The following WWOX variants were observed in gnomAD, a reference collection of about 807,000 sequenced individuals.
WWOX encodes WW domain-containing oxidoreductase.
WWOX carries 69 observed loss-of-function variants against 46.2 expected under a neutral mutation model. That is an observed-to-expected ratio of 1.49 (90% CI 1.23 to 1.82). The LOEUF (loss-of-function observed/expected upper bound fraction) is 1.82, where lower values mean the gene tolerates loss of function less well. WWOX is among the 40% of genes most tolerant of loss of function. The pLI is 0.00. For missense variants in WWOX, 919 were observed against 542.6 expected (o/e 1.69, Z -6.89); for synonymous variants, 359 against 202.6 (o/e 1.77, Z -6.56).
At chr16:78,191,830 A>T (rs2035892908) in intron 5 of WWOX, among the ~76,000 whole-genome samples, 1 of 152,198 alleles carries the variant, frequency 6.6e-6, no homozygotes, top group Non-Finnish European at 1.5e-5. Flanking sequence ...AATTTACAGG[A>T]TATTTGATCA....
intron 8 of WWOX, among the ~76,000 whole-genome samples, chr16:78,775,510 C>T (rs1316752013): frequency 6.6e-6 from 1 of 152,078 alleles, no homozygotes; most frequent in Admixed American, 6.5e-5. Flanking sequence ...TAGCGCCCTC[C>T]GGGGGGTGGG....
At chr16:78,839,386 C>G (rs990371741) in intron 8 of WWOX, among the ~76,000 whole-genome samples, 4 of 152,100 alleles carry the variant, frequency 2.6e-5, no homozygotes, top group African/African-American at 9.7e-5. Context: ...GGTCCAAAGG[C>G]TTTGCTGAAA....
chr16:78,370,271 C>G (rs2081641668), intron 5 of WWOX, among the ~76,000 whole-genome samples: 1 of 151,972 alleles, frequency 6.6e-6, no homozygotes, highest in Non-Finnish European at 1.5e-5. Flanking sequence ...TGCTCCTTAG[C>G]AAGATGGGAT....
intron 8 of WWOX, among the ~76,000 whole-genome samples, chr16:78,968,028 C>G (rs573800480): frequency 6.6e-6 from 1 of 152,248 alleles, no homozygotes; most frequent in Non-Finnish European, 1.5e-5. Flanking sequence ...ATCTACCATT[C>G]CTTGTGGCAC....
chr16:78,187,823 C>A (rs942301570), intron 5 of WWOX, among the ~76,000 whole-genome samples: 1 of 152,140 alleles, frequency 6.6e-6, no homozygotes, highest in Non-Finnish European at 1.5e-5. Context: ...ATGGTTCAAG[C>A]CACATTAGAA....
At chr16:78,224,212 C>T (rs1000642118) in intron 5 of WWOX, among the ~76,000 whole-genome samples, 3 of 152,012 alleles carry the variant, frequency 2.0e-5, no homozygotes, top group Non-Finnish European at 2.9e-5. Context: ...ACCACGTTAG[C>T]CAGGATGGTC....
chr16:79,109,817 G>A (rs763887503), intron 8 of WWOX, among the ~76,000 whole-genome samples: 25 of 152,266 alleles, frequency 1.6e-4, no homozygotes, highest in South Asian at 4.1e-4. Flanking sequence ...AGGCAGGCTC[G>A]ATGATACCTG....
At chr16:79,005,451 C>T (rs1470824620) in intron 8 of WWOX, among the ~76,000 whole-genome samples, 1 of 152,174 alleles carries the variant, frequency 6.6e-6, no homozygotes, top group African/African-American at 2.4e-5. Flanking sequence ...ACTGTATTTT[C>T]CCACAGTTTT....
In WWOX at chr16:79,168,459, A is replaced by T. The variant is rs571389760; in HGVS notation, c.1057-43149A>T. 9.9e-5 allele frequency among the ~76,000 whole-genome samples: 15 copies of T among 152,260 alleles called. No individual in the cohort carries two copies. In the South Asian group the frequency reaches 3.1e-3, roughly 32 times the overall value. ...AGGTAACTATAATCAACCCCCAGGG[A>T]CTTACTCAAGTTGTGCATGTGCAAC... On this transcript the variant is annotated intron_variant, in intron 8 of 8. Coordinates refer to ENST00000566780, the MANE Select transcript of WWOX (RefSeq NM_016373.4).
At chr16:78,857,934 C>G (rs1278944183) in intron 8 of WWOX, among the ~76,000 whole-genome samples, 2 of 152,074 alleles carry the variant, frequency 1.3e-5, no homozygotes, top group South Asian at 4.1e-4. Flanking sequence ...ATGAATGTGC[C>G]AGGACACCCA....
intron 8 of WWOX, among the ~76,000 whole-genome samples, chr16:78,792,303 C>G (rs2050625843): frequency 6.6e-6 from 1 of 152,114 alleles, no homozygotes; most frequent in South Asian, 2.1e-4. Context: ...CTGGAGTAAC[C>G]CAGCCCCACC....
In WWOX at chr16:79,212,557, AATCCCTTT is replaced by A. The variant is rs1460030438; in HGVS notation, c.*762_*769del. ...GGGGGCAGAGAATAAAACGTTAGTT[AATCCCTTT>A]GTCTGTCAATCACAGTCTCAGTTCT... On this transcript the variant is annotated 3_prime_UTR_variant, in exon 9 of 9. Coordinates refer to ENST00000566780, the MANE Select transcript of WWOX (RefSeq NM_016373.4). The A allele has an allele frequency of 6.0e-6, 1 of 167,716 alleles. No homozygotes were observed. The highest frequency in any genetic ancestry group is 1.6e-4 in the East Asian group (1 of 6,434). The allele number at this position is 167,716 out of a possible 1,614,324, so 10.4% of individuals were successfully genotyped here.
At chr16:78,911,270 A>G (rs2045104021) in intron 8 of WWOX, among the ~76,000 whole-genome samples, 1 of 152,038 alleles carries the variant, frequency 6.6e-6, no homozygotes, top group Non-Finnish European at 1.5e-5. Flanking sequence ...TTTTTGTCAT[A>G]ACTACCTTGC....
intron 8 of WWOX, among the ~76,000 whole-genome samples, chr16:78,530,794 T>C (rs1007039326): frequency 6.6e-6 from 1 of 152,206 alleles, no homozygotes; most frequent in Non-Finnish European, 1.5e-5. Flanking sequence ...TATGGTGAGA[T>C]TGGCATCTAG....
At chr16:78,492,770 A>G (rs2084815520) in intron 8 of WWOX, among the ~76,000 whole-genome samples, 1 of 152,172 alleles carries the variant, frequency 6.6e-6, no homozygotes, top group Admixed American at 6.5e-5. Flanking sequence ...TAATCACATC[A>G]AGGTGTGTTT....
intron 8 of WWOX, among the ~76,000 whole-genome samples, chr16:78,901,681 GT>G (rs1284084428): frequency 6.6e-6 from 1 of 152,284 alleles, no homozygotes; most frequent in Admixed American, 6.5e-5. Context: ...TAGTAACACG[GT>G]TTTTTCATGT....
In WWOX at chr16:78,544,078, C is replaced by T. The variant is rs148476868; in HGVS notation, c.1056+111326C>T. On this transcript the variant is annotated intron_variant, in intron 8 of 8. Transcript: ENST00000566780. ...TAGGAAAAGCCTAGCCAAGCAGAAA[C>T]CCATGTTTTTGACTTTCAGGATATT... Among the ~76,000 whole-genome samples the T allele has an allele frequency of 3.4e-3, 521 of 152,218 alleles. 5 individuals are homozygous for T. The highest frequency in any genetic ancestry group is 0.012 in the African/African-American group (500 of 41,538).
intron 8 of WWOX, among the ~76,000 whole-genome samples, chr16:78,603,006 C>T (rs533429351): frequency 6.6e-6 from 1 of 152,230 alleles, no homozygotes; most frequent in Admixed American, 6.5e-5. Flanking sequence ...ATGTAATACT[C>T]CACCTTGCCA....
chr16:78,556,293 G>T (rs2044295460), intron 8 of WWOX, among the ~76,000 whole-genome samples: 1 of 150,694 alleles, frequency 6.6e-6, no homozygotes, highest in Non-Finnish European at 1.5e-5. Flanking sequence ...ATCCAACACA[G>T]AGACATGGAG....
Sources: allele counts gnomAD v4.1 joint callset (sites outside exome capture counted in the v4.1 genomes callset), GRCh38; gene constraint gnomAD v4.1.1; transcripts MANE v1.5; gene names NCBI Gene and HGNC (gene_info 2026-07-23, HGNC 2026-07-21).